PTPN4: variants seen among roughly 807,000 people sequenced by gnomAD.
PTPN4 encodes the protein protein tyrosine phosphatase non-receptor type 4.
A neutral mutation model predicts 135.5 loss-of-function variants in PTPN4; 49 were observed. That is an observed-to-expected ratio of 0.36 (90% CI 0.29 to 0.46). The LOEUF is 0.46. Among genes scored for constraint, PTPN4 ranks in the 20% least tolerant of loss-of-function variants. PTPN4 has a pLI of 1.00. For synonymous variants in PTPN4, 333 were observed against 369.9 expected, an observed-to-expected ratio of 0.90 and a Z score of 1.14; for missense variants, 860 against 1,101.0, an observed-to-expected ratio of 0.78 and a Z score of 3.10.
At chr2:119,860,606 A>G (rs576143949) in intron 2 of PTPN4, among the ~76,000 whole-genome samples, 29 of 152,192 alleles carry the variant, frequency 1.9e-4, no homozygotes, top group Non-Finnish European at 4.3e-4. Flanking sequence ...ATAAGTTTGA[A>G]TTCTGACTGG....
chr2:119,898,735 T>C (rs1678360754), intron 9 of PTPN4, among the ~76,000 whole-genome samples: 1 of 152,194 alleles, frequency 6.6e-6, no homozygotes, highest in South Asian at 2.1e-4. Flanking sequence ...ATAACATTTG[T>C]GTCCCTGAAG....
At chr2:119,936,360 T>C (rs549771144) in intron 15 of PTPN4, among the ~76,000 whole-genome samples, 1 of 152,316 alleles carries the variant, frequency 6.6e-6, no homozygotes, top group Non-Finnish European at 1.5e-5. Flanking sequence ...ATGGTTTGGC[T>C]CTGTGTCCTC....
rs1158907026 is a variant in PTPN4, at chr2:119,931,433, C to CTTTTTT, written c.1071-970_1071-965dup. Among the ~76,000 whole-genome samples the CTTTTTT allele has an allele frequency of 2.3e-4, 19 of 83,354 alleles. 1 individual carries two copies. Among genetic ancestry groups the CTTTTTT allele is most frequent in the African/African-American group, 3.5e-4 (7 of 20,180 alleles). The allele number at this position is 83,354 out of a possible 152,430, so 54.7% of individuals were successfully genotyped here. A position where few individuals can be genotyped will look rare whatever the true frequency, so the allele number is the denominator to read the frequency against. On this transcript the variant is annotated intron_variant, in intron 13 of 26. Coordinates refer to ENST00000263708, the MANE Select transcript of PTPN4 (RefSeq NM_002830.4). The stretch of plus-strand genomic sequence containing the variant: ...TATGAAGATCTTTCTTTCTTTCTTT[C>CTTTTTT]TTTTTTTTTTTTTTTTTTTTTTTTT...
intron 1 of PTPN4, among the ~76,000 whole-genome samples, chr2:119,782,956 C>T (rs919099439): frequency 2.1e-4 from 32 of 151,040 alleles, no homozygotes; most frequent in African/African-American, 7.3e-4. Context: ...GATCCTCCTG[C>T]CTTGGTATTA....
At chr2:119,830,972 G>A (rs1364577126) in intron 2 of PTPN4, among the ~76,000 whole-genome samples, 1 of 152,104 alleles carries the variant, frequency 6.6e-6, no homozygotes, top group African/African-American at 2.4e-5. Flanking sequence ...AGCAATATGA[G>A]AACAGACTAA....
intron 1 of PTPN4, among the ~76,000 whole-genome samples, chr2:119,782,675 A>C (rs1690963011): frequency 6.6e-6 from 1 of 151,380 alleles, no homozygotes; most frequent in Admixed American, 6.6e-5. Flanking sequence ...AATAGAAAAG[A>C]AAGACCCCTG....
chr2:119,763,275 A>G (rs192665898), intron 1 of PTPN4, among the ~76,000 whole-genome samples: 2 of 152,332 alleles, frequency 1.3e-5, no homozygotes, highest in African/African-American at 4.8e-5. Flanking sequence ...TAAGAACAAA[A>G]TGAAAATTAC....
At chr2:119,817,865 T>C (rs114617181) in intron 2 of PTPN4, among the ~76,000 whole-genome samples, 3,664 of 152,290 alleles carry the variant, frequency 0.024, 65 homozygotes, top group Non-Finnish European at 0.033. Flanking sequence ...TAGTTTTCCT[T>C]GCAGAGATCT....
At chr2:119,894,252 A>G (rs924323354) in intron 9 of PTPN4, among the ~76,000 whole-genome samples, 6 of 152,210 alleles carry the variant, frequency 3.9e-5, no homozygotes, top group African/African-American at 1.2e-4. Flanking sequence ...TAATGAAACA[A>G]TTTACAAATG....
chr2:119,793,472 A>G (rs1187773015), intron 1 of PTPN4, among the ~76,000 whole-genome samples: 7 of 152,166 alleles, frequency 4.6e-5, no homozygotes, highest in Non-Finnish European at 8.8e-5. Flanking sequence ...TGTGTAGTTA[A>G]TGCAATCATC....
intron 14 of PTPN4, 112 bp downstream of exon 14, chr2:119,932,661 G>A: frequency 7.9e-7 from 1 of 1,270,278 alleles, no homozygotes; most frequent in East Asian, 2.4e-5. Flanking sequence ...AATTCTTTTG[G>A]TGAAACATGA....
chr2:119,869,227 C>T (rs1677874455), intron 3 of PTPN4, among the ~76,000 whole-genome samples: 1 of 152,122 alleles, frequency 6.6e-6, no homozygotes, highest in Non-Finnish European at 1.5e-5. Flanking sequence ...TCAGTGGTTG[C>T]CTAGGATTTG....
At position 119,915,235 on chromosome 2, in the gene PTPN4, A is replaced by G. The variant is rs1398572862; in HGVS notation, c.821A>G (p.Lys274Arg). The change falls in exon 11 of 27, where the codon AAA (lysine) becomes AGA (arginine). Residue 274 changes from lysine to arginine, a missense_variant. Coordinates refer to ENST00000263708, the MANE Select transcript of PTPN4 (RefSeq NM_002830.4). ...AAACAGTTTTTTATTCAACTTAGAAAAGAATTGGTGAGTACGGATTTAATA... is the reference window on the plus strand; with the variant it reads ...AAACAGTTTTTTATTCAACTTAGAAGAGAATTGGTGAGTACGGATTTAATA... ...KCKQFFIQLR[K>R]ELHESRETLL... The G allele has an allele frequency of 6.5e-7, 1 of 1,538,520 alleles. No homozygotes were observed. Among genetic ancestry groups the G allele is most frequent in the East Asian group, 2.5e-5 (1 of 40,442 alleles).
intron 25 of PTPN4, 124 bp downstream of exon 25, chr2:119,965,769 C>G: frequency 1.7e-6 from 2 of 1,159,290 alleles, no homozygotes; most frequent in Non-Finnish European, 2.4e-6. Flanking sequence ...AAGCTATGCT[C>G]TGAAGGTAGG....
intron 9 of PTPN4, among the ~76,000 whole-genome samples, chr2:119,887,536 C>T (rs1218822931): frequency 6.6e-6 from 1 of 152,114 alleles, no homozygotes; most frequent in Non-Finnish European, 1.5e-5. Flanking sequence ...CTTTCATTGT[C>T]TTGAGTTGAT....
intron 24 of PTPN4, among the ~76,000 whole-genome samples, chr2:119,965,233 T>C (rs1311529341): frequency 1.3e-5 from 2 of 152,208 alleles, no homozygotes; most frequent in African/African-American, 4.8e-5. Context: ...CATTTCATAA[T>C]GTCCCAAGTT....
chr2:119,840,571 T>C (rs932529737), intron 2 of PTPN4, among the ~76,000 whole-genome samples: 3 of 152,216 alleles, frequency 2.0e-5, no homozygotes, highest in African/African-American at 7.2e-5. Context: ...ATCTCTACAA[T>C]AGAATGATTT....
At chr2:119,896,766 A>C (rs563640784) in intron 9 of PTPN4, among the ~76,000 whole-genome samples, 10 of 151,928 alleles carry the variant, frequency 6.6e-5, no homozygotes, top group South Asian at 2.1e-4. Context: ...AGAATGTTTG[A>C]TTCTTTTCCT....
At chr2:119,976,115 C>G (rs1047202731) in intron 26 of PTPN4, among the ~76,000 whole-genome samples, 2 of 151,608 alleles carry the variant, frequency 1.3e-5, no homozygotes, top group Non-Finnish European at 2.9e-5. Context: ...CCTGCCTCAG[C>G]CTCCTGAGTA....
Sources: allele counts gnomAD v4.1 joint callset (sites outside exome capture counted in the v4.1 genomes callset), GRCh38; gene constraint gnomAD v4.1.1; transcripts MANE v1.5; gene names NCBI Gene and HGNC (gene_info 2026-07-23, HGNC 2026-07-21).